EPB41: variants seen among roughly 807,000 people sequenced by gnomAD.
The protein encoded by EPB41 is erythrocyte membrane protein band 4.1.
A neutral mutation model predicts 108.0 loss-of-function variants in EPB41; 65 were observed. That is an observed-to-expected ratio of 0.60 (90% CI 0.49 to 0.74). The LOEUF (loss-of-function observed/expected upper bound fraction) is 0.74. Ranked by LOEUF, EPB41 falls within the 30% of genes least tolerant of loss-of-function variation. The pLI, the probability that EPB41 is intolerant of heterozygous loss-of-function variation, is 0.00. For missense variants in EPB41, 875 were observed against 1,037.0 expected, an observed-to-expected ratio of 0.84 and a Z score of 2.15; for synonymous variants, 336 against 358.9, an observed-to-expected ratio of 0.94 and a Z score of 0.72.
At chr1:29,091,605 A>ATACAGTATATT (rs1553299137) in intron 16 of EPB41, among the ~76,000 whole-genome samples, 1 of 152,228 alleles carries the variant, frequency 6.6e-6, no homozygotes, top group African/African-American at 2.4e-5. Context: ...ATGGTTTCAT[A>ATACAGTATATT]TACAGTATAT....
At position 29,003,944 on chromosome 1, in the gene EPB41, G is replaced by A. The variant is rs532130482; in HGVS notation, c.786+6625G>A. Among the ~76,000 whole-genome samples, 6 of 152,270 alleles carry A rather than the reference G, an allele frequency of 3.9e-5. No individual in the cohort carries two copies. The South Asian group carries it at 1.2e-3, about 32-fold the overall frequency. On this transcript the variant is annotated intron_variant, in intron 4 of 20. Coordinates refer to ENST00000343067, the MANE Select transcript of EPB41 (RefSeq NM_001376013.1). ...CAGCCAGCTAATTTTTGTATTTTTA[G>A]TATAGACAGAGTTTCACCATGTTGG...
At position 29,035,780 on chromosome 1, in the gene EPB41, A is replaced by G. The variant is rs748354974; in HGVS notation, c.1366-46A>G. The G allele has an allele frequency of 3.0e-6, 4 of 1,350,228 alleles. No homozygotes were observed. The African/African-American group carries it at 5.7e-5, about 19-fold the overall frequency. 83.6% of individuals were successfully genotyped at this position (1,350,228 alleles called of 1,614,324 possible). ...CTGTATCACTGTAATCTGGTACTGT[A>G]TCACATGTAATACTTCATGTCCCAT... On this transcript the variant is annotated intron_variant, in intron 9 of 20. Coordinates refer to ENST00000343067, the MANE Select transcript of EPB41 (RefSeq NM_001376013.1).
chr1:29,109,496 C>A, intron 18 of EPB41, 59 bp downstream of exon 18: 1 of 1,418,818 alleles, frequency 7.0e-7, no homozygotes, highest in Non-Finnish European at 1.0e-6. Context: ...CTTGCTGCCA[C>A]CTCTCTGCAA....
intron 16 of EPB41, chr1:29,070,493 G>T: frequency 8.1e-7 from 1 of 1,232,116 alleles, no homozygotes; most frequent in African/African-American, 1.5e-5. Context: ...AATCCCTGAG[G>T]ATCACAAGTC....
chr1:28,898,861 A>G (rs1345666520), intron 1 of EPB41, among the ~76,000 whole-genome samples: 2 of 152,030 alleles, frequency 1.3e-5, no homozygotes, highest in Admixed American at 1.3e-4. Context: ...GAAACAGGAC[A>G]CATATTTAGA....
chr1:29,014,756 C>T (rs762442777), intron 5 of EPB41, among the ~76,000 whole-genome samples: 10 of 152,172 alleles, frequency 6.6e-5, no homozygotes, highest in Non-Finnish European at 8.8e-5. Context: ...GACACACACA[C>T]GTGAACGTGT....
At chr1:28,996,560 A>G (rs2096181038) in intron 3 of EPB41, among the ~76,000 whole-genome samples, 1 of 152,194 alleles carries the variant, frequency 6.6e-6, no homozygotes, top group Non-Finnish European at 1.5e-5. Context: ...ATAGCATGCT[A>G]CAGGATATAT....
chr1:28,941,667 G>A (rs1245224679), intron 1 of EPB41, among the ~76,000 whole-genome samples: 2 of 152,124 alleles, frequency 1.3e-5, no homozygotes, highest in African/African-American at 4.8e-5. Context: ...AGGCCGAGGC[G>A]GGCGGATCAC....
chr1:29,104,639 A>G (rs772631764), intron 17 of EPB41, among the ~76,000 whole-genome samples: 6 of 151,832 alleles, frequency 4.0e-5, no homozygotes, highest in East Asian at 1.9e-4. Flanking sequence ...CCTGGACTGC[A>G]GTAGCATGAT....
chr1:29,013,680 C>A (rs949244279), intron 5 of EPB41, among the ~76,000 whole-genome samples: 2 of 151,928 alleles, frequency 1.3e-5, no homozygotes, highest in African/African-American at 4.8e-5. Flanking sequence ...GCATGTGCCA[C>A]CATACTTGGC....
At chr1:29,006,431 GT>G (rs1254290010) in intron 4 of EPB41, among the ~76,000 whole-genome samples, 1 of 151,744 alleles carries the variant, frequency 6.6e-6, no homozygotes, top group Non-Finnish European at 1.5e-5. Context: ...TAGAGACAGG[GT>G]TTCACTGTGT....
Position 29,053,168 on chromosome 1 carries a change from T to C in EPB41, c.1701T>C (p.Gly567=). ...RPTSAPAITQ[G]QVAEGGVLDA... ...CTTCTGCACCTGCCATTACTCAGGG[T>C]CAGGTTGCAGAAGGTGGCGTCCTAG... Residue 567 remains glycine, a synonymous_variant, in exon 12 of 21, where the codon GGT becomes GGC. Transcript: ENST00000343067. 6.2e-7 allele frequency: 1 copy of C among 1,614,016 alleles called. No homozygotes were observed.
Position 29,044,919 on chromosome 1 carries a change from A to G in EPB41, c.1636+5493A>G, listed in dbSNP as rs549541903. ...GCATTCCAGTGTCACCTTTGTTATA[A>G]ATCAGGTGACCATAAATTTGGGAGT... On this transcript the variant is annotated intron_variant, in intron 11 of 20. Transcript: ENST00000343067. Among the ~76,000 whole-genome samples the G allele has an allele frequency of 5.9e-5, 9 of 152,318 alleles. No individual in the cohort carries two copies. The South Asian group carries it at 1.9e-3, about 32-fold the overall frequency.
chr1:28,966,719 C>T (rs1023388133), intron 1 of EPB41, among the ~76,000 whole-genome samples: 1 of 152,158 alleles, frequency 6.6e-6, no homozygotes, highest in Non-Finnish European at 1.5e-5. Context: ...GGCCTCGTGG[C>T]ATCTGGGAGG....
At chr1:29,078,965 T>TA (rs1034505702) in intron 16 of EPB41, among the ~76,000 whole-genome samples, 1 of 152,036 alleles carries the variant, frequency 6.6e-6, no homozygotes, top group Non-Finnish European at 1.5e-5. Context: ...GTTTTAGAGA[T>TA]ATATAATGAA....
At chr1:29,075,174 A>AAG (rs66800216) in intron 16 of EPB41, among the ~76,000 whole-genome samples, 2 of 147,948 alleles carry the variant, frequency 1.4e-5, no homozygotes, top group African/African-American at 5.0e-5. Flanking sequence ...AAAAAAAAAA[A>AAG]ATCTTTTGTG....
intron 1 of EPB41, among the ~76,000 whole-genome samples, chr1:28,943,670 A>G (rs577017179): frequency 2.0e-5 from 3 of 152,044 alleles, no homozygotes; most frequent in Non-Finnish European, 4.4e-5. Context: ...AAACAAAACA[A>G]ACACACTACA....
chr1:28,948,792 T>TA (rs1161683116), intron 1 of EPB41, among the ~76,000 whole-genome samples: 1 of 149,962 alleles, frequency 6.7e-6, no homozygotes, highest in Non-Finnish European at 1.5e-5. Flanking sequence ...CTACTAAAAA[T>TA]ACAAAAATTA....
intron 17 of EPB41, among the ~76,000 whole-genome samples, chr1:29,104,432 A>G (rs1666448828): frequency 6.6e-6 from 1 of 151,998 alleles, no homozygotes; most frequent in Admixed American, 6.6e-5. Context: ...AGTGAAATGC[A>G]CAGACAGGGT....
Sources: allele counts gnomAD v4.1 joint callset (sites outside exome capture counted in the v4.1 genomes callset), GRCh38; gene constraint gnomAD v4.1.1; transcripts MANE v1.5; gene names NCBI Gene and HGNC (gene_info 2026-07-23, HGNC 2026-07-21).